The following ICE2 variants were observed in gnomAD, a reference collection of about 807,000 sequenced individuals.
ICE2 encodes little elongation complex subunit 2.
ICE2 carries 87 observed loss-of-function variants against 105.4 expected under a neutral mutation model. The ratio of observed to expected loss-of-function variants is 0.83; its 90% CI spans 0.69 to 0.99. The LOEUF (loss-of-function observed/expected upper bound fraction) is 0.99. Among genes scored for constraint, ICE2 ranks in the 50% least tolerant of loss-of-function variants. The pLI is 0.00. For synonymous variants in ICE2, 399 were observed against 392.0 expected, an observed-to-expected ratio of 1.02 and a Z score of -0.21; for missense variants, 1,323 against 1,146.7, an observed-to-expected ratio of 1.15 and a Z score of -2.22.
At chr15:60,466,765 G>C (rs1469664225) in intron 4 of ICE2, 52 bp from the exon 5 acceptor site, 2 of 1,417,120 alleles carry the variant, frequency 1.4e-6, no homozygotes, top group Non-Finnish European at 1.9e-6. Context: ...TCATTAAAAA[G>C]AATCACATTC....
rs149272595 is a variant in ICE2, at chr15:60,453,603, G to T, written c.1125C>A (p.Asp375Glu). ...AGGGGAAAAAAAAAGCATTACATACGTCCATTTCAGATATAAACTCTTCAG... is the reference window on the plus strand; with the variant it reads ...AGGGGAAAAAAAAAGCATTACATACTTCCATTTCAGATATAAACTCTTCAG... ...DKPEEFISEM[D>E]MSCEVNECRK... The change falls in exon 9 of 16, where the codon GAC becomes GAA. Residue 375 changes from aspartate (D) to glutamate (E), a missense_variant and splice_region_variant. Transcript: ENST00000261520. 2.0e-4 allele frequency: 315 copies of T among 1,612,368 alleles called. No individual in the cohort carries two copies. The African/African-American group carries it at 3.8e-3, about 20-fold the overall frequency.
At chr15:60,472,513 A>G (rs1402025471) in intron 3 of ICE2, among the ~76,000 whole-genome samples, 2 of 152,362 alleles carry the variant, frequency 1.3e-5, no homozygotes, top group African/African-American at 4.8e-5. Context: ...AGTACAAAGT[A>G]AATTATACTA....
In ICE2 at chr15:60,454,912, G is replaced by A. The variant is rs1019146033; in HGVS notation, c.943+91C>T. 39 of 1,179,732 alleles carry A rather than the reference G, an allele frequency of 3.3e-5. No individual in the cohort carries two copies. In the Admixed American group the frequency reaches 5.3e-4, roughly 16 times the overall value. 73.1% of individuals were successfully genotyped at this position (1,179,732 alleles called of 1,614,324 possible). On this transcript the variant is annotated intron_variant, in intron 8 of 15. Coordinates refer to ENST00000261520, the MANE Select transcript of ICE2 (RefSeq NM_024611.6). ...GTTGTTTCACTCTCTGGGTCCATGT[G>A]TTCTCATTGTTCAACTCCTATTTAT...
chr15:60,420,773 CTTA>C lies in ICE2; in HGVS notation c.*2858_*2860del, dbSNP rs2063235001. ...TACCAAGATCTGGTTAGATGACTTG[CTTA>C]CTTTATCAAAGCACTTATCACATAA... is the stretch of plus-strand genomic sequence containing the variant. On this transcript the variant is annotated 3_prime_UTR_variant, in exon 16 of 16. Coordinates refer to ENST00000261520, the MANE Select transcript of ICE2 (RefSeq NM_024611.6). 6.6e-6 allele frequency: 1 copy of C among 152,126 alleles called. No homozygotes were observed. The highest frequency in any genetic ancestry group is 2.4e-5 in the African/African-American group (1 of 41,410). 9.4% of individuals were successfully genotyped at this position (152,126 alleles called of 1,614,324 possible). A position where few individuals can be genotyped will look rare whatever the true frequency, so the allele number is the denominator to read the frequency against.
intron 5 of ICE2, among the ~76,000 whole-genome samples, chr15:60,464,182 G>T (rs2064357149): frequency 6.6e-6 from 1 of 152,008 alleles, no homozygotes; most frequent in Admixed American, 6.5e-5. Flanking sequence ...CATCAATATG[G>T]AAAAAAACAT....
At chr15:60,447,568 T>C (rs2141055416) in intron 11 of ICE2, 1 of 154,686 alleles carries the variant, frequency 6.5e-6, no homozygotes, top group Non-Finnish European at 1.4e-5. Flanking sequence ...TGAGAGTAAT[T>C]TTATACAATA....
At chr15:60,467,117 T>A (rs934238895) in intron 4 of ICE2, among the ~76,000 whole-genome samples, 1 of 152,116 alleles carries the variant, frequency 6.6e-6, no homozygotes, top group African/African-American at 2.4e-5. Context: ...GCCTGCCACC[T>A]CACCTGGCTA....
chr15:60,450,887 T>TA (rs56406858), intron 9 of ICE2, among the ~76,000 whole-genome samples: 31 of 152,226 alleles, frequency 2.0e-4, no homozygotes, highest in Non-Finnish European at 4.0e-4. Context: ...CCAAATTTAG[T>TA]AAAAAAGTAT....
Position 60,456,753 on chromosome 15 carries a change from T to G in ICE2, c.570A>C (p.Ser190=). The G allele has an allele frequency of 6.5e-7, 1 of 1,538,394 alleles. No homozygotes were observed. The highest frequency in any genetic ancestry group is 1.4e-5 in the African/African-American group (1 of 71,332). Reference sequence around the variant, plus strand: ...TGACCTCGTGGAGAGTATAGAATTCTGAATACTTTTTCACTTGTTCAATGC... The same window carrying G: ...TGACCTCGTGGAGAGTATAGAATTCGGAATACTTTTTCACTTGTTCAATGC... The part of the protein sequence containing the change: ...RACIEQVKKY[S]EFYTLHEVTS... Residue 190 remains serine (S), a synonymous_variant, in exon 6 of 16, where the codon TCA becomes TCC. Transcript: ENST00000261520.
In ICE2 at chr15:60,448,717, G is replaced by GA. The variant is rs142422523; in HGVS notation, c.2119+130dup. 1,082 of 805,840 alleles carry GA rather than the reference G, an allele frequency of 1.3e-3. 13 individuals carry two copies. The African/African-American group carries it at 0.018, about 13-fold the overall frequency. 49.9% of individuals were successfully genotyped at this position (805,840 alleles called of 1,614,324 possible). A position where few individuals can be genotyped will look rare whatever the true frequency, so the allele number is the denominator to read the frequency against. On this transcript the variant is annotated intron_variant, in intron 10 of 15. Transcript: ENST00000261520. ...AAGCTGAAATACTGATCAATAGATC[G>GA]AAAAAATGAAATATCAGTGACTATA...
At chr15:60,463,989 CG>C (rs1268267475) in intron 5 of ICE2, among the ~76,000 whole-genome samples, 1 of 152,180 alleles carries the variant, frequency 6.6e-6, no homozygotes, top group Non-Finnish European at 1.5e-5. Flanking sequence ...ACAAGAGTTA[CG>C]TAGATGTTTA....
In ICE2 at chr15:60,449,189, G is replaced by A. The variant is rs777517788; in HGVS notation, c.1778C>T (p.Ala593Val). 1.2e-6 allele frequency: 2 copies of A among 1,614,022 alleles called. No homozygotes were observed. ...ECKNNSDGKT[A>V]VVGSNLSSRP... ...GGAACTTAAGTTAGAACCCACAACA[G>A]CTGTCTTTCCATCACTATTATTTTT... The change falls in exon 10 of 16, where the codon GCT becomes GTT. Residue 593 changes from alanine to valine, a missense_variant. Coordinates refer to ENST00000261520, the MANE Select transcript of ICE2 (RefSeq NM_024611.6).
At position 60,456,580 on chromosome 15, in the gene ICE2, T is replaced by TACACACAC. The variant is rs878893449; in HGVS notation, c.666+76_666+77insGTGTGTGT. 64 of 118,932 alleles carry TACACACAC rather than the reference T, an allele frequency of 5.4e-4. No homozygotes were observed. The East Asian group carries it at 9.2e-3, about 17-fold the overall frequency. 7.4% of individuals were successfully genotyped at this position (118,932 alleles called of 1,614,324 possible). ...ATAAATAAATAAATATATATATATATATATACACACACACACACACACACA... is the reference window on the plus strand; with the variant it reads ...ATAAATAAATAAATATATATATATATACACACACATATACACACACACACACACACACA... On this transcript the variant is annotated intron_variant, in intron 6 of 15. Coordinates refer to ENST00000261520, the MANE Select transcript of ICE2 (RefSeq NM_024611.6).
At chr15:60,475,958 C>G (rs2064749516) in intron 3 of ICE2, 105 bp downstream of exon 3, 2 of 718,066 alleles carry the variant, frequency 2.8e-6, no homozygotes, top group South Asian at 4.6e-5. Flanking sequence ...TTACTTTAAA[C>G]ATTTCTATAA....
In ICE2 at chr15:60,476,109, G is replaced by C; in HGVS notation, c.100C>G (p.His34Asp). The change falls in exon 3 of 16, where the codon CAT becomes GAT. Residue 34 changes from histidine to aspartate, a missense_variant. Coordinates refer to ENST00000261520, the MANE Select transcript of ICE2 (RefSeq NM_024611.6). ...TCTTTTAAACTTGGAGCCATGGAATGATCTTTATAATTTTCTCGAGAGAAA... is the reference window on the plus strand; with the variant it reads ...TCTTTTAAACTTGGAGCCATGGAATCATCTTTATAATTTTCTCGAGAGAAA... ...TFFSRENYKD[H>D]SMAPSLKELR... The C allele has an allele frequency of 6.2e-7, 1 of 1,608,884 alleles. No individual in the cohort carries two copies.
chr15:60,475,520 A>G (rs1344605484), intron 3 of ICE2, among the ~76,000 whole-genome samples: 1 of 152,220 alleles, frequency 6.6e-6, no homozygotes, highest in Non-Finnish European at 1.5e-5. Context: ...AAATGAATTA[A>G]AAGTACATCT....
At chr15:60,443,167 A>G (rs560306239) in intron 11 of ICE2, 3 of 152,222 alleles carry the variant, frequency 2.0e-5, no homozygotes, top group Non-Finnish European at 4.4e-5. Flanking sequence ...TACATAAGTA[A>G]AATGACTGTA....
At chr15:60,478,708 G>A (rs1441543392) in intron 1 of ICE2, 3 of 340,988 alleles carry the variant, frequency 8.8e-6, no homozygotes, top group African/African-American at 2.2e-5. Flanking sequence ...GGGCCCGACC[G>A]GCTCCCACTT....
chr15:60,477,853 C>T, intron 2 of ICE2, 84 bp downstream of exon 2: 1 of 1,208,688 alleles, frequency 8.3e-7, no homozygotes, highest in Non-Finnish European at 1.2e-6. Context: ...CCAAATCTCT[C>T]TATGCCAGAA....
Sources: gnomAD v4.1 joint callset for allele counts (sites outside exome capture counted in the v4.1 genomes callset) on GRCh38, gnomAD v4.1.1 for gene constraint, MANE v1.5 for transcripts, NCBI Gene and HGNC (gene_info 2026-07-23, HGNC 2026-07-21) for gene names.